LMO7: variants seen among roughly 807,000 people sequenced by gnomAD.
LMO7 encodes LIM domain 7.
Under a neutral mutation model 206.5 loss-of-function variants are expected in LMO7, and 120 were observed. The observed-to-expected ratio is 0.58, with a 90% CI of 0.50 to 0.68. LMO7 has a LOEUF of 0.68. Ranked by LOEUF, LMO7 falls within the 30% of genes least tolerant of loss-of-function variation. The pLI is 0.00. For missense variants in LMO7, 1,959 were observed against 1,957.9 expected, an observed-to-expected ratio of 1.00 and a Z score of -0.01; for synonymous variants, 706 against 681.5, an observed-to-expected ratio of 1.04 and a Z score of -0.56.
At chr13:75,735,564 C>A (rs190203790) in intron 3 of LMO7, among the ~76,000 whole-genome samples, 1 of 151,944 alleles carries the variant, frequency 6.6e-6, no homozygotes, top group Non-Finnish European at 1.5e-5. Context: ...TGGGTTGAAG[C>A]GATTCCCCTG....
At chr13:75,799,091 A>G (rs1314862176) in intron 6 of LMO7, among the ~76,000 whole-genome samples, 1 of 152,228 alleles carries the variant, frequency 6.6e-6, no homozygotes, top group Non-Finnish European at 1.5e-5. Context: ...TTTTCATGAC[A>G]GGATGTCAAC....
At chr13:75,685,045 T>C (rs1380184999) in intron 1 of LMO7, among the ~76,000 whole-genome samples, 3 of 152,210 alleles carry the variant, frequency 2.0e-5, no homozygotes, top group Non-Finnish European at 4.4e-5. Context: ...ATTCAGTAAA[T>C]TATTTTGTGA....
chr13:75,792,669 T>C (rs893211984), intron 4 of LMO7, among the ~76,000 whole-genome samples: 1 of 152,172 alleles, frequency 6.6e-6, no homozygotes, highest in African/African-American at 2.4e-5. Flanking sequence ...GCAAAGGAGC[T>C]GCTTGGTTAC....
At chr13:75,695,858 C>T (rs2041858190) in intron 1 of LMO7, among the ~76,000 whole-genome samples, 1 of 152,190 alleles carries the variant, frequency 6.6e-6, no homozygotes, top group Admixed American at 6.5e-5. Context: ...TCTTCATTTT[C>T]ACCAACTATT....
intron 4 of LMO7, among the ~76,000 whole-genome samples, chr13:75,789,322 T>G (rs1181078315): frequency 1.3e-5 from 2 of 152,058 alleles, no homozygotes; most frequent in Admixed American, 6.5e-5. Flanking sequence ...CATAAAGAAT[T>G]CAACTCCTAG....
At chr13:75,798,326 G>A (rs2054295422) in intron 6 of LMO7, among the ~76,000 whole-genome samples, 1 of 152,116 alleles carries the variant, frequency 6.6e-6, no homozygotes, top group Non-Finnish European at 1.5e-5. Context: ...GCCAAGCCTG[G>A]GCAACAAGAG....
rs116017718 is a variant in LMO7 at position 75,705,130 on chromosome 13, C to T, written c.70-8052C>T. Among the ~76,000 whole-genome samples the T allele has an allele frequency of 4.8e-3, 727 of 152,276 alleles. 7 individuals are homozygous for T. Among genetic ancestry groups the T allele is most frequent in the African/African-American group, 0.016 (684 of 41,566 alleles). On this transcript the variant is annotated intron_variant, in intron 1 of 30. Coordinates refer to ENST00000377534, the MANE Select transcript of LMO7 (RefSeq NM_001306080.2). ...ATATGCTCGGGTAGGCTAATTACAA[C>T]CTCAGAGGAAGCCCCAAGGGCCTCA...
intron 4 of LMO7, among the ~76,000 whole-genome samples, chr13:75,767,066 T>C (rs1300039043): frequency 1.3e-5 from 2 of 152,250 alleles, no homozygotes; most frequent in South Asian, 2.1e-4. Flanking sequence ...CTAAAACTTA[T>C]GCAGTTTAAG....
intron 4 of LMO7, among the ~76,000 whole-genome samples, chr13:75,786,820 A>T (rs555248684): frequency 7.9e-5 from 12 of 152,154 alleles, no homozygotes; most frequent in Non-Finnish European, 1.2e-4. Context: ...CTAATTACCA[A>T]TTTACCTACT....
At chr13:75,856,185 A>G (rs1449725594) in intron 29 of LMO7, among the ~76,000 whole-genome samples, 1 of 152,124 alleles carries the variant, frequency 6.6e-6, no homozygotes, top group East Asian at 1.9e-4. Flanking sequence ...CACTTCTTTC[A>G]TGGGGGGCCT....
chr13:75,821,642 C>T (rs1244146135), intron 14 of LMO7, 33 bp downstream of exon 14: 33 of 1,505,940 alleles, frequency 2.2e-5, no homozygotes, highest in Admixed American at 1.5e-4. Context: ...TTAGTCTGTT[C>T]TGAAGAGCAA....
At chr13:75,832,732 C>T (rs541349368) in intron 15 of LMO7, among the ~76,000 whole-genome samples, 1 of 152,186 alleles carries the variant, frequency 6.6e-6, no homozygotes, top group South Asian at 2.1e-4. Context: ...AATAAATGGC[C>T]TGGCCTATAA....
chr13:75,738,291 A>G (rs996817525), intron 3 of LMO7, among the ~76,000 whole-genome samples: 1 of 152,218 alleles, frequency 6.6e-6, no homozygotes, highest in African/African-American at 2.4e-5. Context: ...CTCAGCTACC[A>G]TGTGTATTTA....
intron 4 of LMO7, among the ~76,000 whole-genome samples, chr13:75,770,220 G>A (rs990157072): frequency 1.3e-5 from 2 of 151,414 alleles, no homozygotes; most frequent in Non-Finnish European, 2.9e-5. Flanking sequence ...TCCATGTCCT[G>A]GAGGAGAAAT....
In LMO7 at chr13:75,859,161, A is replaced by G. The variant is rs2061152282; in HGVS notation, c.*1218A>G. The G allele has an allele frequency of 6.6e-6, 1 of 152,230 alleles. No individual in the cohort carries two copies. The highest frequency in any genetic ancestry group is 1.5e-5 in the Non-Finnish European group (1 of 68,022). 9.4% of individuals were successfully genotyped at this position (152,230 alleles called of 1,614,324 possible). A position where few individuals can be genotyped will look rare whatever the true frequency, so the allele number is the denominator to read the frequency against. On this transcript the variant is annotated 3_prime_UTR_variant, in exon 31 of 31. Transcript: ENST00000377534. ...AAACTTACTGGAATCTTTTATAATAATGTAAGTGGAATGGAGGATTCTAGG... is the reference window on the plus strand; with the variant it reads ...AAACTTACTGGAATCTTTTATAATAGTGTAAGTGGAATGGAGGATTCTAGG...
At chr13:75,704,053 T>G (rs940374556) in intron 1 of LMO7, among the ~76,000 whole-genome samples, 1 of 152,144 alleles carries the variant, frequency 6.6e-6, no homozygotes, top group Non-Finnish European at 1.5e-5. Flanking sequence ...GGAGATCATA[T>G]AATGGTTGTT....
At chr13:75,773,632 G>A (rs1050804034) in intron 4 of LMO7, among the ~76,000 whole-genome samples, 6 of 152,186 alleles carry the variant, frequency 3.9e-5, no homozygotes, top group African/African-American at 7.2e-5. Flanking sequence ...AAGAGTTAGC[G>A]TTTGAGCTGT....
intron 8 of LMO7, 80 bp downstream of exon 8, chr13:75,804,621 T>A: frequency 6.8e-7 from 1 of 1,465,794 alleles, no homozygotes; most frequent in Non-Finnish European, 9.2e-7. Flanking sequence ...AAAGAATGGC[T>A]CTTAAATGTG....
rs765556451 is a variant in LMO7, at chr13:75,804,361, G to A, written c.734G>A (p.Arg245Gln). The A allele has an allele frequency of 8.1e-6, 13 of 1,614,100 alleles. No homozygotes were observed. Among genetic ancestry groups the A allele is most frequent in the East Asian group, 2.2e-5 (1 of 44,872 alleles). The stretch of plus-strand genomic sequence containing the variant: ...TATAATAAAGATGATATGTCGTATC[G>A]AAGGATTTCGGCTGTTGAGCCAAAG... ...QDYNKDDMSY[R>Q]RISAVEPKTA... is the part of the protein sequence containing the mutation. Residue 245 changes from arginine (R) to glutamine (Q), a missense_variant, in exon 8 of 31, where the codon CGA (arginine) becomes CAA (glutamine). Arg to Gln is a conservative substitution (Grantham distance 43, BLOSUM62 1). Transcript: ENST00000377534.
Sources: allele counts gnomAD v4.1 joint callset (sites outside exome capture counted in the v4.1 genomes callset), GRCh38; gene constraint gnomAD v4.1.1; transcripts MANE v1.5; gene names NCBI Gene and HGNC (gene_info 2026-07-23, HGNC 2026-07-21).